Variants in CREB3L2 observed in about 807,000 individuals in gnomAD.
CREB3L2 encodes cAMP responsive element binding protein 3 like 2.
CREB3L2 carries 23 observed loss-of-function variants against 57.2 expected under a neutral mutation model. The observed-to-expected ratio is 0.40, with a 90% confidence interval of 0.29 to 0.57. CREB3L2 has a LOEUF of 0.57. CREB3L2 is among the 20% of genes least tolerant of loss of function. The pLI is 0.42. For synonymous variants in CREB3L2, 268 were observed against 265.1 expected (o/e 1.01, Z -0.11); for missense variants, 628 against 634.7 (o/e 0.99, Z 0.11).
intron 1 of CREB3L2, among the ~76,000 whole-genome samples, chr7:137,941,841 T>A (rs1187114511): frequency 6.6e-6 from 1 of 152,248 alleles, no homozygotes; most frequent in Non-Finnish European, 1.5e-5. Context: ...TTGTATTACA[T>A]GCCTCGCTAA....
At chr7:137,966,261 C>A (rs938600404) in intron 1 of CREB3L2, among the ~76,000 whole-genome samples, 13 of 152,170 alleles carry the variant, frequency 8.5e-5, no homozygotes, top group Non-Finnish European at 2.9e-5. Context: ...TGTCTTACTG[C>A]ATAATTTGTA....
At chr7:137,966,761 T>C (rs1158543317) in intron 1 of CREB3L2, among the ~76,000 whole-genome samples, 1 of 152,204 alleles carries the variant, frequency 6.6e-6, no homozygotes, top group Admixed American at 6.5e-5. Context: ...GCTAGAACTG[T>C]GCTTCTGAAT....
Position 137,880,526 on chromosome 7 carries a change from C to A in CREB3L2, c.1513G>T (p.Glu505Ter). 6.2e-7 allele frequency: 1 copy of A among 1,613,966 alleles called. No homozygotes were observed. The highest frequency in any genetic ancestry group is 8.5e-7 in the Non-Finnish European group (1 of 1,179,926). Residue 505 changes from glutamate (E) to a stop codon, truncating the protein, a stop_gained, in exon 12 of 12, where the codon GAA becomes TAA. Transcript: ENST00000330387. LOFTEE classifies it high-confidence loss of function. This position sits in a 1 kb window ranked among gnomAD's most constrained non-coding sequence, Gnocchi z 4.0. ...TCGAGTTCTACAACTTTTAGTGTTT[C>A]ATTCCCCTCCAGTTTGGCGCTGACC... ...HLVSAKLEGN[E>*]TLKVVELDRR...
intron 1 of CREB3L2, among the ~76,000 whole-genome samples, chr7:137,979,730 AC>A (rs1232007953): frequency 9.1e-3 from 12 of 1,320 alleles, no homozygotes; most frequent in Middle Eastern, 0.071. Context: ...CGTCTCAAAA[AC>A]AACAACAACA....
chr7:137,894,264 G>A (rs1344245417), intron 8 of CREB3L2, among the ~76,000 whole-genome samples: 3 of 152,174 alleles, frequency 2.0e-5, no homozygotes, highest in Non-Finnish European at 4.4e-5. Context: ...AATCCCCACT[G>A]AGAGCACAGC....
chr7:137,963,360 C>T (rs1174386972), intron 1 of CREB3L2, among the ~76,000 whole-genome samples: 4 of 152,216 alleles, frequency 2.6e-5, no homozygotes, highest in Admixed American at 2.6e-4. Context: ...GTATTAATGT[C>T]AAGCTTTTCC....
At chr7:137,972,734 T>TAG (rs1801537952) in intron 1 of CREB3L2, among the ~76,000 whole-genome samples, 11 of 23,418 alleles carry the variant, frequency 4.7e-4, no homozygotes, top group Admixed American at 8.0e-4. Context: ...TATATATATA[T>TAG]ATAGAGAGAG....
intron 1 of CREB3L2, among the ~76,000 whole-genome samples, chr7:137,964,521 A>C (rs1563267411): frequency 6.6e-6 from 1 of 152,142 alleles, no homozygotes. Flanking sequence ...CAAATACAAA[A>C]ATGTTAAGCC....
rs1799189632 is a variant in CREB3L2, at chr7:137,877,735, C to T, written c.*2741G>A. ...TACATTCAGAAGACACTGTCTGCCACTATTTGAAATCTTTAGAGCTAATCA... is the reference window on the plus strand; with the variant it reads ...TACATTCAGAAGACACTGTCTGCCATTATTTGAAATCTTTAGAGCTAATCA... On this transcript the variant is annotated 3_prime_UTR_variant, in exon 12 of 12. Transcript: ENST00000330387. 4.4e-6 allele frequency: 1 copy of T among 227,932 alleles called. No individual in the cohort carries two copies. The highest frequency in any genetic ancestry group is 2.2e-5 in the African/African-American group (1 of 45,038). 14.1% of individuals were successfully genotyped at this position (227,932 alleles called of 1,614,324 possible).
chr7:137,934,990 T>C (rs1800750536), intron 1 of CREB3L2, among the ~76,000 whole-genome samples: 1 of 152,228 alleles, frequency 6.6e-6, no homozygotes, highest in Non-Finnish European at 1.5e-5. Context: ...AAGTTTTGTC[T>C]CCCTTTATTC....
intron 1 of CREB3L2, among the ~76,000 whole-genome samples, chr7:137,941,126 C>T (rs1447382362): frequency 6.6e-6 from 1 of 152,214 alleles, no homozygotes; most frequent in Non-Finnish European, 1.5e-5. Flanking sequence ...GCACCGGACT[C>T]ATGGGACAGA....
chr7:137,897,069 C>A (rs1254884781), intron 8 of CREB3L2, among the ~76,000 whole-genome samples: 1 of 151,882 alleles, frequency 6.6e-6, no homozygotes, highest in Non-Finnish European at 1.5e-5. Context: ...ATATTATATA[C>A]TAGAAGTGTG....
intron 1 of CREB3L2, among the ~76,000 whole-genome samples, chr7:137,965,018 C>T (rs565803685): frequency 1.3e-5 from 2 of 152,246 alleles, no homozygotes; most frequent in South Asian, 4.1e-4. Flanking sequence ...TTATAAATTA[C>T]CCAGACTCAG....
At chr7:137,993,394 C>A (rs1801933984) in intron 1 of CREB3L2, among the ~76,000 whole-genome samples, 1 of 152,196 alleles carries the variant, frequency 6.6e-6, no homozygotes, top group Non-Finnish European at 1.5e-5. Context: ...TCACCCCACG[C>A]CCACCTTGTT....
intron 8 of CREB3L2, among the ~76,000 whole-genome samples, chr7:137,893,889 C>G (rs528899930): frequency 4.0e-4 from 61 of 152,294 alleles, no homozygotes; most frequent in African/African-American, 1.3e-3. Context: ...ACAAGTCAAG[C>G]AGCCCAACAC....
intron 1 of CREB3L2, among the ~76,000 whole-genome samples, chr7:137,947,882 C>G (rs1215955168): frequency 6.6e-6 from 1 of 152,200 alleles, no homozygotes; most frequent in Non-Finnish European, 1.5e-5. Flanking sequence ...CTTCCTTCCC[C>G]TGCCCTGTCT....
intron 2 of CREB3L2, among the ~76,000 whole-genome samples, chr7:137,923,097 T>C (rs1007457418): frequency 2.0e-5 from 3 of 152,204 alleles, no homozygotes; most frequent in Non-Finnish European, 4.4e-5. Flanking sequence ...GAAGAGGTGG[T>C]GATAGTAGTA....
chr7:137,929,460 C>T (rs1224670723), intron 1 of CREB3L2, among the ~76,000 whole-genome samples: 2 of 152,244 alleles, frequency 1.3e-5, no homozygotes, highest in South Asian at 4.1e-4. Flanking sequence ...AGCACTCCCC[C>T]AGTTGTGAAA....
chr7:137,890,449 C>A (rs543151404), intron 8 of CREB3L2, among the ~76,000 whole-genome samples: 111 of 152,266 alleles, frequency 7.3e-4, no homozygotes, highest in Non-Finnish European at 1.3e-3. Flanking sequence ...ATATATATAT[C>A]AGGAGGATTG....
Sources: allele counts gnomAD v4.1 joint callset (sites outside exome capture counted in the v4.1 genomes callset), GRCh38; gene constraint gnomAD v4.1.1; non-coding constraint Gnocchi (gnomAD v3.1); transcripts MANE v1.5; gene names NCBI Gene and HGNC (gene_info 2026-07-23, HGNC 2026-07-21).